The following CLIC3 variants were observed in gnomAD, a reference collection of about 807,000 sequenced individuals.
The protein encoded by CLIC3 is CLIC family member 3.
Under a neutral mutation model 19.9 loss-of-function variants are expected in CLIC3, and 29 were observed. The observed-to-expected ratio is 1.46, with a 90% CI of 1.09 to 1.99. The LOEUF (loss-of-function observed/expected upper bound fraction) is 1.99, where lower values mean the gene tolerates loss of function less well. CLIC3 is among the 30% of genes most tolerant of loss of function. The pLI is 0.00. For synonymous variants in CLIC3, 143 were observed against 156.4 expected, an observed-to-expected ratio of 0.91 and a Z score of 0.64; for missense variants, 365 against 342.6, an observed-to-expected ratio of 1.07 and a Z score of -0.52.
Position 136,995,575 on chromosome 9 carries a change from C to T in CLIC3, c.144-8G>A, listed in dbSNP as rs1398706355. The T allele has an allele frequency of 1.9e-6, 3 of 1,611,398 alleles. No homozygotes were observed. Among genetic ancestry groups the T allele is most frequent in the Admixed American group, 3.3e-5 (2 of 59,948 alleles). On this transcript the variant is annotated splice_polypyrimidine_tract_variant and splice_region_variant and intron_variant, in intron 2 of 5. Transcript: ENST00000494426. Reference sequence around the variant, plus strand: ...TTCAGCACGTCCGGGGACCTGCGGGCAGCAGCGGGGTGGGAGGAGGCCGGC... The same window carrying T: ...TTCAGCACGTCCGGGGACCTGCGGGTAGCAGCGGGGTGGGAGGAGGCCGGC...
intron 1 of CLIC3, among the ~76,000 whole-genome samples, 179 bp from the exon 2 acceptor site, chr9:136,995,936 G>A (rs755107776): frequency 6.6e-6 from 1 of 152,192 alleles, no homozygotes; most frequent in Non-Finnish European, 1.5e-5. Context: ...TCCCCAGAAC[G>A]TGGGGAGGGG....
chr9:136,995,224 G>C lies in CLIC3; in HGVS notation c.338C>G (p.Ser113Cys). Residue 113 changes from serine to cysteine, a missense_variant, in exon 4 of 6, where the codon TCC (serine) becomes TGC (cysteine). Transcript: ENST00000494426. The part of the protein sequence containing the change: ...TAGNDVFHKF[S>C]AFIKNPVPAQ... ...GGGCACCGGGTTCTTGATGAACGCG[G>C]AGAACTTGTGGAAAACGTCGTTGCC... The C allele has an allele frequency of 6.2e-7, 1 of 1,612,870 alleles. No individual in the cohort carries two copies. Among genetic ancestry groups the C allele is most frequent in the Non-Finnish European group, 8.5e-7 (1 of 1,179,900 alleles).
In CLIC3 at chr9:136,994,985, C is replaced by G; in HGVS notation, c.497G>C (p.Gly166Ala). 3 of 1,505,878 alleles carry G rather than the reference C, an allele frequency of 2.0e-6. No homozygotes were observed. The highest frequency in any genetic ancestry group is 2.6e-6 in the Non-Finnish European group (3 of 1,133,362). 93.3% of individuals were successfully genotyped at this position (1,505,878 alleles called of 1,614,324 possible). ...LRESRRRFLD[G>A]DRLTLADCSL... ...GCAGTCGGCCAGCGTGAGCCTGTCG[C>G]CGTCCAGGAAGCGGCGGCGGGACTC... Residue 166 changes from glycine (G) to alanine (A), a missense_variant, in exon 5 of 6, where the codon GGC becomes GCC. Coordinates refer to ENST00000494426, the MANE Select transcript of CLIC3 (RefSeq NM_004669.3).
intron 3 of CLIC3, 27 bp from the exon 4 acceptor site, chr9:136,995,319 T>C: frequency 1.9e-6 from 3 of 1,609,236 alleles, no homozygotes; most frequent in Non-Finnish European, 2.5e-6. Context: ...TGGGACTCCA[T>C]TAGACTGGGG....
chr9:136,995,334 C>A (rs757214720), intron 3 of CLIC3, 42 bp from the exon 4 acceptor site: 5 of 1,608,114 alleles, frequency 3.1e-6, no homozygotes, highest in Middle Eastern at 1.7e-4. Flanking sequence ...CTGGGGGCAG[C>A]CCCGTCCCGG....
In CLIC3 at chr9:136,995,097, G is replaced by A. The variant is rs1325031901; in HGVS notation, c.385C>T (p.Gln129Ter). Residue 129 changes from glutamine to a stop codon, truncating the protein, a stop_gained, in exon 5 of 6, where the codon CAG (glutamine) becomes TAG (stop). Coordinates refer to ENST00000494426, the MANE Select transcript of CLIC3 (RefSeq NM_004669.3). LOFTEE classifies it high-confidence loss of function. ...PVPAQDEALYQQLLRALARLD... is the reference protein window; with the variant it reads ...PVPAQDEALY ...CTGGCGAGGGCGCGCAGCAGCTGCT[G>A]GTACAGGGCTAGGGGGCAGGCGGCG... 6.5e-7 allele frequency: 1 copy of A among 1,538,506 alleles called. No individual in the cohort carries two copies. Among genetic ancestry groups the A allele is most frequent in the Non-Finnish European group, 8.8e-7 (1 of 1,140,566 alleles).
Position 136,995,062 on chromosome 9 carries a change from G to T in CLIC3, c.420C>A (p.Ser140Arg). 6.6e-7 allele frequency: 1 copy of T among 1,517,048 alleles called. No individual in the cohort carries two copies. The highest frequency in any genetic ancestry group is 8.8e-7 in the Non-Finnish European group (1 of 1,132,892). 94.0% of individuals were successfully genotyped at this position (1,517,048 alleles called of 1,614,324 possible). ...QLLRALARLD[S>R]YLRAPLEHEL... ...CGTGCTCCAGGGGCGCGCGCAGGTA[G>T]CTGTCCAGCCTGGCGAGGGCGCGCA... Residue 140 changes from serine (S) to arginine (R), a missense_variant, in exon 5 of 6, where the codon AGC becomes AGA. Coordinates refer to ENST00000494426, the MANE Select transcript of CLIC3 (RefSeq NM_004669.3).
Position 136,995,645 on chromosome 9 carries a change from C to G in CLIC3, c.143+3G>C. 1 of 1,610,468 alleles carries G rather than the reference C, an allele frequency of 6.2e-7. No individual in the cohort carries two copies. Among genetic ancestry groups the G allele is most frequent in the Non-Finnish European group, 8.5e-7 (1 of 1,178,636 alleles). ...GGCGGGGGTCCACAGGATGGGGCCT[C>G]ACCTGCGCGTGTCCACCGTGGTGAG... On this transcript the variant is annotated splice_donor_region_variant and intron_variant, in intron 2 of 5. Coordinates refer to ENST00000494426, the MANE Select transcript of CLIC3 (RefSeq NM_004669.3).
chr9:136,995,682 C>A lies in CLIC3; in HGVS notation c.109G>T (p.Val37Leu), dbSNP rs1212299249. The A allele has an allele frequency of 6.2e-7, 1 of 1,609,266 alleles. No homozygotes were observed. Among genetic ancestry groups the A allele is most frequent in the African/African-American group, 1.3e-5 (1 of 74,868 alleles). The change falls in exon 2 of 6, where the codon GTA becomes TTA. Residue 37 changes from valine (V) to leucine (L), a missense_variant. By Grantham distance (32) the Val-to-Leu change is conservative. Coordinates refer to ENST00000494426, the MANE Select transcript of CLIC3 (RefSeq NM_004669.3). ...RLFMVLLLKG[V>L]PFTLTTVDTR... Reference sequence around the variant, plus strand: ...TCCACCGTGGTGAGGGTGAAAGGTACGCCCTTGAGGAGCAGGACCATGAAG... The same window carrying A: ...TCCACCGTGGTGAGGGTGAAAGGTAAGCCCTTGAGGAGCAGGACCATGAAG...
intron 1 of CLIC3, 46 bp from the exon 2 acceptor site, chr9:136,995,803 C>T (rs769655045): frequency 1.5e-6 from 2 of 1,306,356 alleles, no homozygotes; most frequent in Non-Finnish European, 2.1e-6. Context: ...GGAAGCAGAC[C>T]CAGGCATCCT....
chr9:136,996,566 C>T lies in CLIC3; in HGVS notation c.-23G>A, dbSNP rs772062896. 4.5e-6 allele frequency: 7 copies of T among 1,551,808 alleles called. No homozygotes were observed. Among genetic ancestry groups the T allele is most frequent in the Admixed American group, 2.0e-5 (1 of 51,082 alleles). On this transcript the variant is annotated 5_prime_UTR_variant, in exon 1 of 6. Coordinates refer to ENST00000494426, the MANE Select transcript of CLIC3 (RefSeq NM_004669.3). Reference sequence around the variant, plus strand: ...CATGGTGGGAGCTGCCGCGGTCAGGCGCGGGTGGGGACCTGGGGAGCTCTT... The same window carrying T: ...CATGGTGGGAGCTGCCGCGGTCAGGTGCGGGTGGGGACCTGGGGAGCTCTT...
chr9:136,996,409 A>T, intron 1 of CLIC3, 102 bp downstream of exon 1: 1 of 1,100,970 alleles, frequency 9.1e-7, no homozygotes. Flanking sequence ...GAAGGGGCTC[A>T]GACATTACTG....
chr9:136,994,739 G>A lies in CLIC3; in HGVS notation c.653C>T (p.Thr218Met), dbSNP rs1186813837. Reference sequence around the variant, plus strand: ...CAGGATCTCGGCGCTGTGCGGACACGTGTATTTGAACTCTTTCTCCTGCAT... The same window carrying A: ...CAGGATCTCGGCGCTGTGCGGACACATGTATTTGAACTCTTTCTCCTGCAT... ...SAMQEKEFKY[T>M]CPHSAEILAA... The change falls in exon 6 of 6, where the codon ACG becomes ATG. Residue 218 changes from threonine (T) to methionine (M), a missense_variant. Thr to Met is a moderately conservative substitution (Grantham distance 81). Coordinates refer to ENST00000494426, the MANE Select transcript of CLIC3 (RefSeq NM_004669.3). The A allele has an allele frequency of 3.7e-6, 6 of 1,609,382 alleles. No homozygotes were observed. Among genetic ancestry groups the A allele is most frequent in the Middle Eastern group, 1.7e-4 (1 of 5,822 alleles).
In CLIC3 at chr9:136,994,737, A is replaced by G; in HGVS notation, c.655T>C (p.Cys219Arg). 10 of 1,609,706 alleles carry G rather than the reference A, an allele frequency of 6.2e-6. No individual in the cohort carries two copies. The highest frequency in any genetic ancestry group is 8.5e-6 in the Non-Finnish European group (10 of 1,178,738). Residue 219 changes from cysteine to arginine, a missense_variant, in exon 6 of 6, where the codon TGT becomes CGT. By Grantham distance (180) the Cys-to-Arg change is radical. Coordinates refer to ENST00000494426, the MANE Select transcript of CLIC3 (RefSeq NM_004669.3). ...AMQEKEFKYT[C>R]PHSAEILAAY... ...GCCAGGATCTCGGCGCTGTGCGGAC[A>G]CGTGTATTTGAACTCTTTCTCCTGC... is the stretch of plus-strand genomic sequence containing the variant.
In CLIC3 at chr9:136,995,007, ACTCGCGC is replaced by A; in HGVS notation, c.468_474del (p.Arg157ProfsTer99). ...TCGCCGTCCAGGAAGCGGCGGCGGG[ACTCGCGC>A]AGCTGCGGCTCCCCCGCCAGCTCGT... On this transcript the variant is annotated frameshift_variant, in exon 5 of 6. Coordinates refer to ENST00000494426, the MANE Select transcript of CLIC3 (RefSeq NM_004669.3). LOFTEE classifies it high-confidence loss of function. 1 of 1,491,596 alleles carries A rather than the reference ACTCGCGC, an allele frequency of 6.7e-7. No individual in the cohort carries two copies. Among genetic ancestry groups the A allele is most frequent in the Non-Finnish European group, 8.9e-7 (1 of 1,124,486 alleles). 92.4% of individuals were successfully genotyped at this position (1,491,596 alleles called of 1,614,324 possible).
rs1218925875 is a variant in CLIC3, at chr9:136,995,543, G to C, written c.168C>G (p.Phe56Leu). The C allele has an allele frequency of 1.2e-6, 2 of 1,612,468 alleles. No individual in the cohort carries two copies. Among genetic ancestry groups the C allele is most frequent in the Non-Finnish European group, 1.7e-6 (2 of 1,179,832 alleles). ...TRRSPDVLKD[F>L]APGSQLPILL... is the part of the protein sequence containing the mutation. ...GGATGGGCAGCTGCGAGCCGGGGGC[G>C]AAGTCCTTCAGCACGTCCGGGGACC... Residue 56 changes from phenylalanine to leucine, a missense_variant, in exon 3 of 6, where the codon TTC becomes TTG. Transcript: ENST00000494426.
Position 136,995,650 on chromosome 9 carries a change from G to C in CLIC3, c.141C>G (p.Arg47=), listed in dbSNP as rs761532138. 1.9e-6 allele frequency: 3 copies of C among 1,610,722 alleles called. No individual in the cohort carries two copies. In the South Asian group the frequency reaches 3.3e-5, roughly 18 times the overall value. Residue 47 remains arginine (R), a splice_region_variant and synonymous_variant, in exon 2 of 6, where the codon CGC becomes CGG. Coordinates refer to ENST00000494426, the MANE Select transcript of CLIC3 (RefSeq NM_004669.3). The part of the protein sequence containing the change: ...VPFTLTTVDT[R]RSPDVLKDFA... Reference sequence around the variant, plus strand: ...GGGTCCACAGGATGGGGCCTCACCTGCGCGTGTCCACCGTGGTGAGGGTGA... The same window carrying C: ...GGGTCCACAGGATGGGGCCTCACCTCCGCGTGTCCACCGTGGTGAGGGTGA...
intron 1 of CLIC3, 27 bp from the exon 2 acceptor site, chr9:136,995,784 G>C (rs1282797567): frequency 6.9e-7 from 1 of 1,448,350 alleles, no homozygotes; most frequent in Admixed American, 2.0e-5. Flanking sequence ...GGGGTGGGGG[G>C]TCAGGGCTGG....
intron 1 of CLIC3, among the ~76,000 whole-genome samples, chr9:136,996,305 G>A (rs1468487299): frequency 2.6e-5 from 4 of 152,182 alleles, no homozygotes. Flanking sequence ...GCTGGGAGCA[G>A]GACCAGGGCC....
Sources: allele counts gnomAD v4.1 joint callset (sites outside exome capture counted in the v4.1 genomes callset), GRCh38; gene constraint gnomAD v4.1.1; transcripts MANE v1.5; gene names NCBI Gene and HGNC (gene_info 2026-07-23, HGNC 2026-07-21).